REXO1: variants seen among roughly 807,000 people sequenced by gnomAD.
REXO1 encodes REX1, RNA exonuclease 1 homolog.
In REXO1, 42 loss-of-function variants were observed where a neutral mutation model predicts 102.6. The ratio of observed to expected loss-of-function variants is 0.41; its 90% CI spans 0.32 to 0.53. REXO1 has a LOEUF of 0.53. Ranked by LOEUF, REXO1 falls within the 20% of genes least tolerant of loss-of-function variation. The pLI is 0.27. For synonymous variants in REXO1, 908 were observed against 779.1 expected, an observed-to-expected ratio of 1.17 and a Z score of -2.76; for missense variants, 1,819 against 1,732.5, an observed-to-expected ratio of 1.05 and a Z score of -0.89.
chr19:1,817,535 G>A, intron 11 of REXO1, 172 bp downstream of exon 11: 1 of 1,463,430 alleles, frequency 6.8e-7, no homozygotes, highest in Non-Finnish European at 9.1e-7. Flanking sequence ...AGTGGCCAGG[G>A]ACAGGGCCTG....
At chr19:1,820,999 C>CAA (rs530711349) in intron 5 of REXO1, among the ~76,000 whole-genome samples, 23 of 110,420 alleles carry the variant, frequency 2.1e-4, no homozygotes, top group African/African-American at 7.4e-4. Flanking sequence ...TGTCTCTAAA[C>CAA]AAAAAAAAAA....
At chr19:1,832,784 C>T (rs1396511317) in intron 1 of REXO1, among the ~76,000 whole-genome samples, 2 of 151,896 alleles carry the variant, frequency 1.3e-5, no homozygotes, top group African/African-American at 4.8e-5. Context: ...GGCATGGGGG[C>T]GTGCACCTGT....
In REXO1 at chr19:1,815,520, G is replaced by A. The variant is rs565681006; in HGVS notation, c.*546C>T. 5.8e-5 allele frequency: 19 copies of A among 327,344 alleles called. No homozygotes were observed. In the East Asian group the frequency reaches 1.6e-3, roughly 28 times the overall value. The allele number at this position is 327,344 out of a possible 1,614,324, so 20.3% of individuals were successfully genotyped here. A position where few individuals can be genotyped will look rare whatever the true frequency, so the allele number is the denominator to read the frequency against. On this transcript the variant is annotated 3_prime_UTR_variant, in exon 16 of 16. Coordinates refer to ENST00000170168, the MANE Select transcript of REXO1 (RefSeq NM_020695.4). The surrounding 1 kb of genome is among the most constrained non-coding windows in gnomAD (Gnocchi z 4.0). Reference sequence around the variant, plus strand: ...CAGAGGCGGGTCCAGCCCACACTGCGCTGAGTGTGGCCCTGGCCCCCACTG... The same window carrying A: ...CAGAGGCGGGTCCAGCCCACACTGCACTGAGTGTGGCCCTGGCCCCCACTG...
Position 1,816,319 on chromosome 19 carries a change from C to T in REXO1, c.3483G>A (p.Thr1161=), listed in dbSNP as rs775164212. The T allele has an allele frequency of 2.8e-5, 44 of 1,590,764 alleles. No homozygotes were observed. Among genetic ancestry groups the T allele is most frequent in the East Asian group, 4.6e-5 (2 of 43,774 alleles). Residue 1161 remains threonine, a synonymous_variant, in exon 15 of 16, where the codon ACG becomes ACA. Coordinates refer to ENST00000170168, the MANE Select transcript of REXO1 (RefSeq NM_020695.4). ...CCAGGCGGTGGGGGAAGAGCACAGACGTGTCCACCACGGTGCTGTGGATGA... is the reference window on the plus strand; with the variant it reads ...CCAGGCGGTGGGGGAAGAGCACAGATGTGTCCACCACGGTGCTGTGGATGA... ...LKVIHSTVVD[T]SVLFPHRLGL...
rs374161303 is a variant in REXO1, at chr19:1,827,535, C to T, written c.1254G>A (p.Pro418=). 2.0e-5 allele frequency: 32 copies of T among 1,586,008 alleles called. No individual in the cohort carries two copies. Among genetic ancestry groups the T allele is most frequent in the East Asian group, 9.0e-5 (4 of 44,566 alleles). ...VEKPRADKKG[P]QASSPRRKAE... ...CCTTGCGCCGGGGGCTGCTGGCCTGCGGGCCCTTCTTGTCCGCACGGGGCT... is the reference window on the plus strand; with the variant it reads ...CCTTGCGCCGGGGGCTGCTGGCCTGTGGGCCCTTCTTGTCCGCACGGGGCT... Residue 418 remains proline (P), a synonymous_variant, in exon 2 of 16, where the codon CCG becomes CCA. Transcript: ENST00000170168.
At chr19:1,830,739 C>G (rs568065201) in intron 1 of REXO1, 2 of 228,860 alleles carry the variant, frequency 8.7e-6, no homozygotes, top group South Asian at 7.4e-5. Flanking sequence ...AGGCCGAGAT[C>G]TTGCAGAGCA....
At position 1,848,244 on chromosome 19, in the gene REXO1, A is replaced by G. The variant is rs12984809; in HGVS notation, c.115T>C (p.Ser39Pro). Residue 39 changes from serine to proline, a missense_variant, in exon 1 of 16, where the codon TCC becomes CCC. Coordinates refer to ENST00000170168, the MANE Select transcript of REXO1 (RefSeq NM_020695.4). ...TCTCCGCCGTCACCGGGCGCGCCGG[A>G]GCCCCGGGCCCCGCGGTGCCGGAAG... ...CHFRHRGARG[S>P]GAPGDGGEAP... 0.76 allele frequency: 931,654 copies of G among 1,230,424 alleles called. 353,933 individuals are homozygous for G. The highest frequency in any genetic ancestry group is 0.88 in the African/African-American group (56,189 of 63,822). The allele number at this position is 1,230,424 out of a possible 1,614,324, so 76.2% of individuals were successfully genotyped here.
intron 1 of REXO1, among the ~76,000 whole-genome samples, chr19:1,841,383 G>GGGAGGAGGGC (rs2011269444): frequency 1.3e-5 from 2 of 152,312 alleles, no homozygotes; most frequent in South Asian, 4.1e-4. Context: ...TCTGAGGGTG[G>GGGAGGAGGGC]GGAGGAGGGC....
At chr19:1,837,724 T>C (rs2070081465) in intron 1 of REXO1, among the ~76,000 whole-genome samples, 2 of 152,018 alleles carry the variant, frequency 1.3e-5, no homozygotes, top group African/African-American at 2.4e-5. Flanking sequence ...GATCCGAGCC[T>C]CCCCTCTGCT....
chr19:1,826,374 C>A lies in REXO1; in HGVS notation c.1912-431G>T, dbSNP rs1338043493. On this transcript the variant is annotated intron_variant, in intron 2 of 15. Coordinates refer to ENST00000170168, the MANE Select transcript of REXO1 (RefSeq NM_020695.4). This position sits in a 1 kb window ranked among gnomAD's most constrained non-coding sequence, Gnocchi z 4.3. ...GGCCCAGGAGAGCAAGAGCTCGCCA[C>A]GCTGGGAGTAGGGAGGAGGGAGGGG... Among the ~76,000 whole-genome samples the A allele has an allele frequency of 6.6e-6, 1 of 150,420 alleles. No individual in the cohort carries two copies. Among genetic ancestry groups the A allele is most frequent in the Admixed American group, 6.6e-5 (1 of 15,202 alleles).
At chr19:1,847,361 C>G (rs2145348320) in intron 1 of REXO1, among the ~76,000 whole-genome samples, 1 of 152,332 alleles carries the variant, frequency 6.6e-6, no homozygotes, top group African/African-American at 2.4e-5. Context: ...GTGCTTGAAA[C>G]TCACGCCCAA....
chr19:1,827,375 C>T lies in REXO1; in HGVS notation c.1414G>A (p.Gly472Ser), dbSNP rs1484534045. 1 of 1,532,616 alleles carries T rather than the reference C, an allele frequency of 6.5e-7. No individual in the cohort carries two copies. The highest frequency in any genetic ancestry group is 1.4e-5 in the African/African-American group (1 of 72,148). The allele number at this position is 1,532,616 out of a possible 1,614,324, so 94.9% of individuals were successfully genotyped here. A position where few individuals can be genotyped will look rare whatever the true frequency, so the allele number is the denominator to read the frequency against. Residue 472 changes from glycine to serine, a missense_variant, in exon 2 of 16, where the codon GGC (glycine) becomes AGC (serine). Transcript: ENST00000170168. ...SGDSRPAAGR[G>S]PPRPLQLPDR... ...GGCAGCTGGAGGGGGCGGGGTGGGCCTCTGCCGGCCGCCGGTCGGGAGTCC... is the reference window on the plus strand; with the variant it reads ...GGCAGCTGGAGGGGGCGGGGTGGGCTTCTGCCGGCCGCCGGTCGGGAGTCC...
Position 1,825,947 on chromosome 19 carries a change from A to G in REXO1, c.1912-4T>C, listed in dbSNP as rs1397032414. On this transcript the variant is annotated splice_region_variant and splice_polypyrimidine_tract_variant and intron_variant, in intron 2 of 15. Transcript: ENST00000170168. ...CACTCTTCTCTTCCTTGGGGGGCTA[A>G]GACACATGTCCGTCCGTCAGCACAG... 3.7e-6 allele frequency: 6 copies of G among 1,604,308 alleles called. No homozygotes were observed. Among genetic ancestry groups the G allele is most frequent in the Non-Finnish European group, 5.1e-6 (6 of 1,171,710 alleles).
At chr19:1,825,258 C>A (rs1362275146) in intron 3 of REXO1, among the ~76,000 whole-genome samples, 1 of 139,756 alleles carries the variant, frequency 7.2e-6, no homozygotes, top group Non-Finnish European at 1.5e-5. Context: ...AGAGATCGTG[C>A]CACTGCACTC....
chr19:1,819,937 T>G lies in REXO1; in HGVS notation c.2647A>C (p.Ser883Arg). ...GLAPSAVPGL[S>R]KTSGRRVVSH... is the part of the protein sequence containing the mutation. ...CCGCCCACCCGCCAGGACTCACTGCTGAGGCCGGGCACAGCGCTGGGGGCC... is the reference window on the plus strand; with the variant it reads ...CCGCCCACCCGCCAGGACTCACTGCGGAGGCCGGGCACAGCGCTGGGGGCC... The change falls in exon 7 of 16, where the codon AGC (serine) becomes CGC (arginine). Residue 883 changes from serine to arginine, a missense_variant. By Grantham distance (110) the Ser-to-Arg change is moderately radical. Coordinates refer to ENST00000170168, the MANE Select transcript of REXO1 (RefSeq NM_020695.4). The G allele has an allele frequency of 6.3e-7, 1 of 1,578,430 alleles. No homozygotes were observed. Among genetic ancestry groups the G allele is most frequent in the Non-Finnish European group, 8.6e-7 (1 of 1,165,456 alleles).
intron 1 of REXO1, among the ~76,000 whole-genome samples, chr19:1,846,021 G>C (rs190157816): frequency 3.3e-5 from 5 of 152,356 alleles, no homozygotes; most frequent in Admixed American, 2.6e-4. Context: ...CCAGCACAGA[G>C]CATGGCCCCA....
intron 1 of REXO1, among the ~76,000 whole-genome samples, chr19:1,833,521 C>T (rs2069960669): frequency 6.6e-6 from 1 of 152,374 alleles, no homozygotes; most frequent in Admixed American, 6.5e-5. Flanking sequence ...ACTGTGGCTG[C>T]CAGTTCCTCT....
intron 1 of REXO1, among the ~76,000 whole-genome samples, chr19:1,838,455 C>G (rs1054367381): frequency 6.6e-6 from 1 of 151,732 alleles, no homozygotes; most frequent in East Asian, 1.9e-4. Flanking sequence ...CCTGTCTCTA[C>G]TTAAAAAAAT....
chr19:1,823,712 CG>C lies in REXO1; in HGVS notation c.2089del (p.Arg697GlyfsTer74). ...CGATGCCCTCTGCGCCTGCTGGGCC[CG>C]CAGGTAGCACACCTCCTGCGCCGTC... ...PPTAQEVCYL[R>X]AQQAQRASAS... On this transcript the variant is annotated frameshift_variant, in exon 4 of 16. Transcript: ENST00000170168. LOFTEE classifies it high-confidence loss of function. The C allele has an allele frequency of 7.9e-7, 1 of 1,273,360 alleles. No homozygotes were observed. The highest frequency in any genetic ancestry group is 1.0e-6 in the Non-Finnish European group (1 of 1,002,266). The allele number at this position is 1,273,360 out of a possible 1,614,324, so 78.9% of individuals were successfully genotyped here. A position where few individuals can be genotyped will look rare whatever the true frequency, so the allele number is the denominator to read the frequency against.
Sources: gnomAD v4.1 joint callset for allele counts (sites outside exome capture counted in the v4.1 genomes callset) on GRCh38, gnomAD v4.1.1 for gene constraint, Gnocchi (gnomAD v3.1) non-coding constraint, MANE v1.5 for transcripts, NCBI Gene and HGNC (gene_info 2026-07-23, HGNC 2026-07-21) for gene names.